FOCAD: variants seen among roughly 807,000 people sequenced by gnomAD.
FOCAD encodes the protein KIAA1797.
Under a neutral mutation model 225.6 loss-of-function variants are expected in FOCAD, and 198 were observed. The observed-to-expected ratio is 0.88, with a 90% confidence interval of 0.78 to 0.99. The LOEUF (loss-of-function observed/expected upper bound fraction) is 0.99, where lower values mean the gene tolerates loss of function less well. FOCAD is among the 50% of genes least tolerant of loss of function. The pLI is 0.00. For missense variants in FOCAD, 2,713 were observed against 2,123.6 expected, an observed-to-expected ratio of 1.28 and a Z score of -5.46; for synonymous variants, 897 against 755.0, an observed-to-expected ratio of 1.19 and a Z score of -3.08.
intron 26 of FOCAD, chr9:20,928,896 C>G (rs1233499897): frequency 6.5e-6 from 1 of 153,008 alleles, no homozygotes; most frequent in African/African-American, 2.4e-5. Flanking sequence ...AACTTAAACT[C>G]TCTTCCTCCC....
chr9:20,709,906 T>A (rs1005554640), intron 1 of FOCAD, among the ~76,000 whole-genome samples: 14 of 152,176 alleles, frequency 9.2e-5, no homozygotes, highest in African/African-American at 2.4e-5. Flanking sequence ...AACAACACTG[T>A]TTTTCCACAG....
At chr9:20,788,191 C>T (rs751140121) in intron 10 of FOCAD, among the ~76,000 whole-genome samples, 1 of 152,086 alleles carries the variant, frequency 6.6e-6, no homozygotes, top group Non-Finnish European at 1.5e-5. Context: ...TGAAATCATG[C>T]TAAGTGAAAG....
chr9:20,954,239 T>C (rs1837937679), intron 35 of FOCAD, among the ~76,000 whole-genome samples: 1 of 152,208 alleles, frequency 6.6e-6, no homozygotes, highest in South Asian at 2.1e-4. Flanking sequence ...ATTGTTTATG[T>C]TACCATAAAT....
At chr9:20,898,732 G>C (rs1345322658) in intron 21 of FOCAD, among the ~76,000 whole-genome samples, 2 of 151,808 alleles carry the variant, frequency 1.3e-5, no homozygotes, top group African/African-American at 2.4e-5. Flanking sequence ...GTTCTGATAT[G>C]TGCTCTGTCT....
Position 20,990,214 on chromosome 9 carries a change from G to T in FOCAD, c.5096G>T (p.Trp1699Leu), listed in dbSNP as rs1841528279. Residue 1699 changes from tryptophan to leucine, a missense_variant, in exon 42 of 44, where the codon TGG becomes TTG. Transcript: ENST00000338382. ...CTCCTCCTCGGCCTCAGTGCCAGTT[G>T]GTTGCCATGGCATCAGGAGAATGGC... ...APLLLGLSAS[W>L]LPWHQENGPA... The T allele has an allele frequency of 3.1e-6, 5 of 1,614,162 alleles. No homozygotes were observed. The highest frequency in any genetic ancestry group is 4.2e-6 in the Non-Finnish European group (5 of 1,180,014).
At chr9:20,989,744 C>A (rs1345485590) in intron 41 of FOCAD, among the ~76,000 whole-genome samples, 1 of 152,160 alleles carries the variant, frequency 6.6e-6, no homozygotes, top group Non-Finnish European at 1.5e-5. Flanking sequence ...GCCCACATAA[C>A]CATAAATATT....
At chr9:20,806,048 A>T (rs556686592) in intron 11 of FOCAD, among the ~76,000 whole-genome samples, 1 of 152,184 alleles carries the variant, frequency 6.6e-6, no homozygotes, top group Non-Finnish European at 1.5e-5. Context: ...TCAAAAGCCA[A>T]TGAAGACGTA....
In FOCAD at chr9:20,820,375, C is replaced by G; in HGVS notation, c.1612C>G (p.Arg538Gly). The G allele has an allele frequency of 6.2e-7, 1 of 1,612,816 alleles. No homozygotes were observed. Among genetic ancestry groups the G allele is most frequent in the Non-Finnish European group, 8.5e-7 (1 of 1,179,294 alleles). Residue 538 changes from arginine to glycine, a missense_variant, in exon 13 of 44, where the codon CGA becomes GGA. By Grantham distance (125) the Arg-to-Gly change is moderately radical. Transcript: ENST00000338382. ...AATACAACTACTTGGAACCACACCACGACTAAGAGCTGTCACTTTGCGCTT... is the reference window on the plus strand; with the variant it reads ...AATACAACTACTTGGAACCACACCAGGACTAAGAGCTGTCACTTTGCGCTT... ...RIIQLLGTTP[R>G]LRAVTLRLLT...
At chr9:20,955,049 G>A (rs1401459465) in intron 35 of FOCAD, among the ~76,000 whole-genome samples, 1 of 152,194 alleles carries the variant, frequency 6.6e-6, no homozygotes, top group African/African-American at 2.4e-5. Context: ...TAAATGTCTG[G>A]ATGTCACTCA....
At chr9:20,854,845 C>A (rs1292413538) in intron 15 of FOCAD, among the ~76,000 whole-genome samples, 1 of 151,604 alleles carries the variant, frequency 6.6e-6, no homozygotes, top group Non-Finnish European at 1.5e-5. Context: ...ATGTTTTGCC[C>A]CTACTATTCA....
chr9:20,812,026 A>G (rs914172366), intron 11 of FOCAD, among the ~76,000 whole-genome samples: 3 of 152,220 alleles, frequency 2.0e-5, no homozygotes, highest in South Asian at 2.1e-4. Context: ...ATTTAGATCA[A>G]TTTTTCCTCA....
At chr9:20,660,199 A>G (rs1256244500) in intron 2 of FOCAD, among the ~76,000 whole-genome samples, 1 of 152,216 alleles carries the variant, frequency 6.6e-6, no homozygotes, top group Non-Finnish European at 1.5e-5. Flanking sequence ...CAATAATAAC[A>G]GCAATAATAG....
chr9:20,942,568 A>G (rs1836777565), intron 28 of FOCAD, among the ~76,000 whole-genome samples: 1 of 152,226 alleles, frequency 6.6e-6, no homozygotes. Flanking sequence ...CTACTACTAA[A>G]CATAAGAATC....
At chr9:20,900,175 C>G (rs190923807) in intron 21 of FOCAD, among the ~76,000 whole-genome samples, 68 of 152,048 alleles carry the variant, frequency 4.5e-4, no homozygotes, top group African/African-American at 1.3e-3. Context: ...ACACTCTCAC[C>G]TAAATTGGCT....
rs1351625822 is a variant in FOCAD, at chr9:20,862,480, T to C, written c.1921-98T>C. 21 of 1,353,180 alleles carry C rather than the reference T, an allele frequency of 1.6e-5. No homozygotes were observed. The East Asian group carries it at 3.3e-4, about 22-fold the overall frequency. The allele number at this position is 1,353,180 out of a possible 1,614,324, so 83.8% of individuals were successfully genotyped here. On this transcript the variant is annotated intron_variant, in intron 15 of 43. Transcript: ENST00000338382. ...TCTTCTAGGCATAGTCTTATTTGTT[T>C]CTTAAGTTTCCTTATAATAAAATAT...
In FOCAD at chr9:20,885,129, G is replaced by A. The variant is rs140023126; in HGVS notation, c.2524G>A (p.Asp842Asn). 4.0e-6 allele frequency: 6 copies of A among 1,495,350 alleles called. No homozygotes were observed. In the African/African-American group the frequency reaches 8.5e-5, roughly 21 times the overall value. The allele number at this position is 1,495,350 out of a possible 1,614,324, so 92.6% of individuals were successfully genotyped here. ...GLAGGMLFCY[D>N]VSMYQSKDGK... ...TAAAGGTGGTATGTTATTTTGCTAT[G>A]ATGTTTCCATGTATCAGAGTAAAGA... is the stretch of plus-strand genomic sequence containing the variant. Residue 842 changes from aspartate to asparagine, a missense_variant, in exon 21 of 44, where the codon GAT becomes AAT. Asp to Asn is a conservative substitution (Grantham distance 23). Coordinates refer to ENST00000338382, the MANE Select transcript of FOCAD (RefSeq NM_001375567.1).
intron 2 of FOCAD, among the ~76,000 whole-genome samples, chr9:20,664,501 T>G (rs1396707816): frequency 6.6e-6 from 1 of 151,920 alleles, no homozygotes; most frequent in Non-Finnish European, 1.5e-5. Flanking sequence ...CTGAAGAGTT[T>G]ATAAGTTTAT....
chr9:20,695,448 T>C (rs1300927398), intron 1 of FOCAD, among the ~76,000 whole-genome samples: 5 of 152,202 alleles, frequency 3.3e-5, no homozygotes, highest in Admixed American at 2.6e-4. Flanking sequence ...GTAAAGATTT[T>C]TCTTAAGCCC....
chr9:20,751,771 C>A (rs1828574078), intron 5 of FOCAD, among the ~76,000 whole-genome samples: 3 of 148,468 alleles, frequency 2.0e-5, no homozygotes, highest in Non-Finnish European at 4.5e-5. Flanking sequence ...TACAGTCCCA[C>A]CAACAGTGTA....
Sources: gnomAD v4.1 joint callset for allele counts (sites outside exome capture counted in the v4.1 genomes callset) on GRCh38, gnomAD v4.1.1 for gene constraint, MANE v1.5 for transcripts, NCBI Gene and HGNC (gene_info 2026-07-23, HGNC 2026-07-21) for gene names.